The following MEGF6 variants were observed in gnomAD, a reference collection of about 807,000 sequenced individuals.
MEGF6 encodes the protein multiple epidermal growth factor-like domains protein 6.
Under a neutral mutation model 207.1 loss-of-function variants are expected in MEGF6, and 184 were observed. That is an observed-to-expected ratio of 0.89 (90% CI 0.79 to 1.00). MEGF6 has a LOEUF of 1.00. Ranked by LOEUF, MEGF6 falls within the 50% of genes least tolerant of loss-of-function variation. The probability of loss-of-function intolerance (pLI) is 0.00; values close to 1 mark genes in which losing one functional copy is unlikely to be tolerated. For missense variants in MEGF6, 2,282 were observed against 2,202.9 expected (o/e 1.04, Z -0.72); for synonymous variants, 1,038 against 910.0 (o/e 1.14, Z -2.53).
intron 34 of MEGF6, chr1:3,493,515 G>A (rs2100832431): frequency 1.8e-6 from 1 of 555,024 alleles, no homozygotes; most frequent in Admixed American, 3.5e-5. Context: ...CCCCTCCCAT[G>A]ACCATGGCCT....
intron 4 of MEGF6, among the ~76,000 whole-genome samples, chr1:3,553,829 C>T (rs1189084431): frequency 6.6e-6 from 1 of 152,198 alleles, no homozygotes; most frequent in African/African-American, 2.4e-5. Flanking sequence ...GGCAGCCTCT[C>T]ACCCCGCTGT....
At chr1:3,515,123 G>GC (rs1363405102) in intron 6 of MEGF6, among the ~76,000 whole-genome samples, 6 of 152,264 alleles carry the variant, frequency 3.9e-5, no homozygotes, top group African/African-American at 1.2e-4. Flanking sequence ...CATCAGCAAA[G>GC]CCCCCCCTTT....
At chr1:3,584,462 C>T (rs1218380627) in intron 3 of MEGF6, among the ~76,000 whole-genome samples, 10 of 151,504 alleles carry the variant, frequency 6.6e-5, no homozygotes, top group Non-Finnish European at 1.5e-4. Flanking sequence ...GCCTTCCTCT[C>T]CTCCTTCCTC....
intron 5 of MEGF6, among the ~76,000 whole-genome samples, chr1:3,522,361 C>A (rs1641786319): frequency 6.6e-6 from 1 of 152,178 alleles, no homozygotes; most frequent in Admixed American, 6.5e-5. Context: ...ACAGGCGACA[C>A]CCTGAGGGGG....
At position 3,489,251 on chromosome 1, in the gene MEGF6, C is replaced by A. The variant is rs1313140038; in HGVS notation, c.*1277G>T. On this transcript the variant is annotated 3_prime_UTR_variant, in exon 37 of 37. Coordinates refer to ENST00000356575, the MANE Select transcript of MEGF6 (RefSeq NM_001409.4). ...TGCTGTCTGTGAGCAACCAAGCTCA[C>A]TGGACTCCTCCTCCTCCTGCTGGTG... Among the ~76,000 whole-genome samples the A allele has an allele frequency of 6.6e-6, 1 of 152,238 alleles. No individual in the cohort carries two copies. Among genetic ancestry groups the A allele is most frequent in the Non-Finnish European group, 1.5e-5 (1 of 68,042 alleles).
Position 3,505,337 on chromosome 1 carries a change from C to T in MEGF6, c.2059G>A (p.Glu687Lys). 6.2e-7 allele frequency: 1 copy of T among 1,611,012 alleles called. No homozygotes were observed. The highest frequency in any genetic ancestry group is 8.5e-7 in the Non-Finnish European group (1 of 1,179,206). The change falls in exon 17 of 37, where the codon GAG (glutamate) becomes AAG (lysine). Residue 687 changes from glutamate to lysine, a missense_variant. Physicochemically the swap from Glu to Lys is moderately conservative, Grantham distance 56. Transcript: ENST00000356575. ...FRGERCQAEC[E>K]LGYFGPGCWQ... is the part of the protein sequence containing the mutation. The stretch of plus-strand genomic sequence containing the variant: ...CACCCCGGCCCAAAGTAGCCCAGCT[C>T]ACACTCTGCAGGGCGTGAGAGAGGG...
chr1:3,505,998 G>A, intron 15 of MEGF6, 110 bp downstream of exon 15: 1 of 1,405,492 alleles, frequency 7.1e-7, no homozygotes, highest in Admixed American at 2.6e-5. Flanking sequence ...GGGTGACCTG[G>A]CTGGGCCCCG....
chr1:3,617,546 C>T, the MEGF6 span, among the ~76,000 whole-genome samples: 4 of 152,010 alleles, frequency 2.6e-5, no homozygotes, highest in Non-Finnish European at 4.4e-5. Flanking sequence ...AACCAGGTGA[C>T]GGCTGACCTG....
chr1:3,620,542 A>C, the MEGF6 span, among the ~76,000 whole-genome samples: 1 of 152,216 alleles, frequency 6.6e-6, no homozygotes, highest in Non-Finnish European at 1.5e-5. Flanking sequence ...GTCCAGGCTG[A>C]AGTCTGCTGC....
intron 4 of MEGF6, among the ~76,000 whole-genome samples, chr1:3,562,199 T>C (rs898778438): frequency 2.6e-5 from 4 of 152,252 alleles, no homozygotes; most frequent in African/African-American, 9.6e-5. Flanking sequence ...TCTCTATTTC[T>C]CTGCGTGTTT....
At chr1:3,567,364 C>T (rs905756489) in intron 4 of MEGF6, among the ~76,000 whole-genome samples, 3 of 152,254 alleles carry the variant, frequency 2.0e-5, no homozygotes, top group Non-Finnish European at 2.9e-5. Flanking sequence ...TGGGATCCTC[C>T]CCTCCCTACA....
chr1:3,548,004 A>G (rs1642769508), intron 4 of MEGF6, among the ~76,000 whole-genome samples: 2 of 151,982 alleles, frequency 1.3e-5, no homozygotes, highest in Non-Finnish European at 2.9e-5. Context: ...GCTGAACTGC[A>G]CCATCCAAAC....
chr1:3,525,862 C>T (rs1231439519), intron 4 of MEGF6, among the ~76,000 whole-genome samples: 1 of 152,228 alleles, frequency 6.6e-6, no homozygotes, highest in Non-Finnish European at 1.5e-5. Context: ...CTCCAGGCCC[C>T]CCTCGCCAAG....
intron 4 of MEGF6, among the ~76,000 whole-genome samples, chr1:3,575,546 A>T (rs528336412): frequency 3.9e-4 from 60 of 152,348 alleles, no homozygotes; most frequent in Middle Eastern, 3.4e-3. Context: ...GGCAATTTAC[A>T]AAAGAAAGAG....
intron 18 of MEGF6, 91 bp downstream of exon 18, chr1:3,501,705 C>G (rs907656368): frequency 6.0e-6 from 9 of 1,492,130 alleles, no homozygotes; most frequent in Non-Finnish European, 7.1e-6. Context: ...GCCTGGGATC[C>G]GCAGGGCTGG....
At chr1:3,500,281 G>A (rs529947240) in intron 21 of MEGF6, among the ~76,000 whole-genome samples, 1 of 152,326 alleles carries the variant, frequency 6.6e-6, no homozygotes, top group South Asian at 2.1e-4. Context: ...CAGGTGCCAG[G>A]CCTCCCACAG....
Position 3,505,437 on chromosome 1 carries a change from C to T in MEGF6, c.2038G>A (p.Glu680Lys), listed in dbSNP as rs370266005. ...CTGGACTCACCTGCCTGACAGCGCT[C>T]GCCCCGGAAGCCAGCCTTGCAGGAG... is the stretch of plus-strand genomic sequence containing the variant. ...SCSCKAGFRG[E>K]RCQAECELGY... The change falls in exon 16 of 37, where the codon GAG becomes AAG. Residue 680 changes from glutamate to lysine, a missense_variant. Glu to Lys is a moderately conservative substitution (Grantham distance 56). Transcript: ENST00000356575. 49 of 1,610,726 alleles carry T rather than the reference C, an allele frequency of 3.0e-5. No homozygotes were observed. Among genetic ancestry groups the T allele is most frequent in the African/African-American group, 2.9e-4 (22 of 74,834 alleles).
chr1:3,491,936 A>G (rs1569915944), intron 35 of MEGF6, among the ~76,000 whole-genome samples: 1 of 151,654 alleles, frequency 6.6e-6, no homozygotes, highest in South Asian at 2.1e-4. Flanking sequence ...ACGCTCACAC[A>G]TGCCCGGCAC....
chr1:3,560,747 T>C lies in MEGF6; in HGVS notation c.481+19078A>G, dbSNP rs1414275141. On this transcript the variant is annotated intron_variant, in intron 4 of 36. Transcript: ENST00000356575. This position sits in a 1 kb window ranked among gnomAD's most constrained non-coding sequence, Gnocchi z 4.0. ...GTGGGTCGCCTAGAAACGGTCAGAC[T>C]GGCCCCACCCACTCTGGATTTCCAG... is the stretch of plus-strand genomic sequence containing the variant. The C allele has an allele frequency of 6.4e-6, 3 of 470,268 alleles. No homozygotes were observed. Among genetic ancestry groups the C allele is most frequent in the Admixed American group, 2.3e-5 (1 of 42,878 alleles). 29.1% of individuals were successfully genotyped at this position (470,268 alleles called of 1,614,324 possible).
Sources: gnomAD v4.1 joint callset for allele counts (sites outside exome capture counted in the v4.1 genomes callset) on GRCh38, gnomAD v4.1.1 for gene constraint, Gnocchi (gnomAD v3.1) non-coding constraint, MANE v1.5 for transcripts, NCBI Gene and HGNC (gene_info 2026-07-23, HGNC 2026-07-21) for gene names.